SEC24D: variants seen among roughly 807,000 people sequenced by gnomAD.
The protein encoded by SEC24D is SEC24 homolog D, COPII component, also known as protein transport protein Sec24D.
Under a neutral mutation model 116.9 loss-of-function variants are expected in SEC24D, and 69 were observed. The observed-to-expected ratio is 0.59, with a 90% confidence interval of 0.49 to 0.72. The LOEUF (loss-of-function observed/expected upper bound fraction) is 0.72, where lower values mean the gene tolerates loss of function less well. Ranked by LOEUF, SEC24D falls within the 30% of genes least tolerant of loss-of-function variation. The pLI is 0.00. For missense variants in SEC24D, 1,131 were observed against 1,264.1 expected, an observed-to-expected ratio of 0.89 and a Z score of 1.60; for synonymous variants, 405 against 442.8, an observed-to-expected ratio of 0.91 and a Z score of 1.07.
chr4:118,729,644 A>T (rs932299743), intron 21 of SEC24D: 1 of 152,250 alleles, frequency 6.6e-6, no homozygotes, highest in African/African-American at 2.4e-5. Context: ...TGCACGTGGC[A>T]TCCAGGTGAT....
chr4:118,779,314 G>T (rs571898331), intron 8 of SEC24D, among the ~76,000 whole-genome samples: 1 of 152,100 alleles, frequency 6.6e-6, no homozygotes, highest in South Asian at 2.1e-4. Flanking sequence ...TAGCATGAAG[G>T]GTTGTTGAAT....
intron 13 of SEC24D, among the ~76,000 whole-genome samples, chr4:118,746,231 G>GGGAGGGAGGGAGGGGGGGAA (rs1560628837): frequency 8.7e-6 from 1 of 114,484 alleles, no homozygotes; most frequent in Non-Finnish European, 1.9e-5. Context: ...GGTTGGGGGA[G>GGGAGGGAGGGAGGGGGGGAA]GGAGGGAGGG....
At chr4:118,748,504 A>C (rs1726657833) in intron 13 of SEC24D, among the ~76,000 whole-genome samples, 1 of 152,142 alleles carries the variant, frequency 6.6e-6, no homozygotes, top group South Asian at 2.1e-4. Flanking sequence ...TTATGTTTTC[A>C]CCAAAGCCTG....
chr4:118,798,417 T>C (rs1729275804), intron 7 of SEC24D, among the ~76,000 whole-genome samples: 1 of 152,078 alleles, frequency 6.6e-6, no homozygotes, highest in African/African-American at 2.4e-5. Context: ...CCAAAATATC[T>C]TTACTTCATG....
intron 8 of SEC24D, among the ~76,000 whole-genome samples, chr4:118,784,068 C>T (rs1484814229): frequency 6.6e-6 from 1 of 152,204 alleles, no homozygotes; most frequent in Admixed American, 6.5e-5. Flanking sequence ...TGGTGACTAA[C>T]CATCCCCTGT....
intron 2 of SEC24D, among the ~76,000 whole-genome samples, chr4:118,828,488 C>G (rs988908155): frequency 3.3e-5 from 5 of 152,174 alleles, no homozygotes; most frequent in Non-Finnish European, 7.3e-5. Context: ...AATAGGACAT[C>G]TGGCAATGTT....
At chr4:118,821,082 T>G (rs989412680) in intron 3 of SEC24D, among the ~76,000 whole-genome samples, 1 of 152,178 alleles carries the variant, frequency 6.6e-6, no homozygotes, top group Non-Finnish European at 1.5e-5. Context: ...TTTTCAAGAT[T>G]TGATTGAAAC....
chr4:118,784,502 CA>C (rs1350812952), intron 8 of SEC24D, among the ~76,000 whole-genome samples: 6 of 152,038 alleles, frequency 3.9e-5, no homozygotes, highest in Non-Finnish European at 8.8e-5. Context: ...GTTAAGACAA[CA>C]ATGTACTTTA....
intron 13 of SEC24D, among the ~76,000 whole-genome samples, chr4:118,749,721 C>T (rs1726731035): frequency 6.6e-6 from 1 of 152,146 alleles, no homozygotes; most frequent in Admixed American, 6.5e-5. Flanking sequence ...AGAGTTACAT[C>T]TCTTCCAGCA....
intron 8 of SEC24D, among the ~76,000 whole-genome samples, chr4:118,776,756 G>GA (rs1461107066): frequency 6.6e-6 from 1 of 152,012 alleles, no homozygotes; most frequent in Non-Finnish European, 1.5e-5. Flanking sequence ...ATCTCTATGG[G>GA]AAAATAATAT....
At chr4:118,813,806 T>C (rs1443448227) in intron 6 of SEC24D, among the ~76,000 whole-genome samples, 1 of 152,180 alleles carries the variant, frequency 6.6e-6, no homozygotes, top group African/African-American at 2.4e-5. Context: ...GTCACCTGAT[T>C]TGTGGTAATT....
chr4:118,741,833 C>A (rs1022476286), intron 15 of SEC24D, among the ~76,000 whole-genome samples: 2 of 152,140 alleles, frequency 1.3e-5, no homozygotes, highest in Non-Finnish European at 2.9e-5. Flanking sequence ...CTGCATAGTT[C>A]TTGACCATCA....
At chr4:118,745,308 G>A (rs1726456002) in intron 13 of SEC24D, among the ~76,000 whole-genome samples, 1 of 152,106 alleles carries the variant, frequency 6.6e-6, no homozygotes, top group Admixed American at 6.6e-5. Context: ...AACATTTAAA[G>A]ATAGGTCTGT....
chr4:118,783,078 G>A (rs995717986), intron 8 of SEC24D, among the ~76,000 whole-genome samples: 5 of 152,178 alleles, frequency 3.3e-5, no homozygotes, highest in South Asian at 4.1e-4. Context: ...GCGACGCCCC[G>A]CCCTGCTTTG....
At chr4:118,816,269 A>C (rs1277190943) in intron 4 of SEC24D, among the ~76,000 whole-genome samples, 2 of 152,116 alleles carry the variant, frequency 1.3e-5, no homozygotes, top group Admixed American at 6.6e-5. Context: ...TTATAATTTA[A>C]GTAAGGGAAT....
At chr4:118,773,366 T>C (rs1727995612) in intron 8 of SEC24D, among the ~76,000 whole-genome samples, 2 of 152,134 alleles carry the variant, frequency 1.3e-5, no homozygotes, top group South Asian at 2.1e-4. Flanking sequence ...TGTTATACAG[T>C]TTTCTAGCCT....
chr4:118,731,371 T>A lies in SEC24D; in HGVS notation c.2813A>T (p.Glu938Val). 1.9e-6 allele frequency: 3 copies of A among 1,614,146 alleles called. No individual in the cohort carries two copies. Among genetic ancestry groups the A allele is most frequent in the Non-Finnish European group, 2.5e-6 (3 of 1,179,962 alleles). Reference protein sequence around the residue: ...FLWLGVSSPPELIQGIFNVPS... With the variant: ...FLWLGVSSPPVLIQGIFNVPS... ...CACATTAAATATTCCTTGGATCAGT[T>A]CTGGTGGGCTGCTTACTCCCAACCA... The change falls in exon 21 of 23, where the codon GAA (glutamate) becomes GTA (valine). Residue 938 changes from glutamate to valine, a missense_variant. Transcript: ENST00000280551.
chr4:118,745,638 G>A (rs563041776), intron 13 of SEC24D, among the ~76,000 whole-genome samples: 3 of 152,250 alleles, frequency 2.0e-5, no homozygotes, highest in South Asian at 4.1e-4. Context: ...TAGTCTCTGG[G>A]AAGCAACAAA....
At chr4:118,826,183 C>G (rs2110537387) in intron 2 of SEC24D, among the ~76,000 whole-genome samples, 1 of 152,120 alleles carries the variant, frequency 6.6e-6, no homozygotes, top group African/African-American at 2.4e-5. Flanking sequence ...ATCCTTATAG[C>G]ACTACACTTT....
Sources: allele counts gnomAD v4.1 joint callset (sites outside exome capture counted in the v4.1 genomes callset), GRCh38; gene constraint gnomAD v4.1.1; transcripts MANE v1.5; gene names NCBI Gene and HGNC (gene_info 2026-07-23, HGNC 2026-07-21).